Variants in GALNT13 observed in about 807,000 individuals in gnomAD.
The protein encoded by GALNT13 is polypeptide N-acetylgalactosaminyltransferase 13.
In GALNT13, 28 loss-of-function variants were observed where a neutral mutation model predicts 64.2. The observed-to-expected ratio is 0.44, with a 90% CI of 0.32 to 0.60. The LOEUF is 0.60. Ranked by LOEUF, GALNT13 falls within the 20% of genes least tolerant of loss-of-function variation. GALNT13 has a pLI of 0.05. For synonymous variants in GALNT13, 214 were observed against 224.6 expected, an observed-to-expected ratio of 0.95 and a Z score of 0.42; for missense variants, 577 against 669.8, an observed-to-expected ratio of 0.86 and a Z score of 1.53.
intron 11 of GALNT13, among the ~76,000 whole-genome samples, chr2:154,420,390 A>T (rs1700198983): frequency 6.6e-6 from 1 of 152,098 alleles, no homozygotes; most frequent in Admixed American, 6.6e-5. Context: ...TTCCAGCAGA[A>T]CTTATTACTC....
chr2:153,172,563 A>T, the GALNT13 span, among the ~76,000 whole-genome samples: 1 of 152,120 alleles, frequency 6.6e-6, no homozygotes, highest in Non-Finnish European at 1.5e-5. Flanking sequence ...GGAGGAGAAC[A>T]GGTCATGAGC....
the GALNT13 span, among the ~76,000 whole-genome samples, chr2:153,566,897 C>T: frequency 2.0e-5 from 3 of 152,150 alleles, no homozygotes; most frequent in Admixed American, 2.0e-4. Flanking sequence ...ATGGAGTCAA[C>T]CCTTTTGTTA....
At chr2:154,066,122 T>A (rs1367832718) in intron 3 of GALNT13, among the ~76,000 whole-genome samples, 1 of 152,114 alleles carries the variant, frequency 6.6e-6, no homozygotes, top group African/African-American at 2.4e-5. Flanking sequence ...ATAGAATTGA[T>A]CAAACAGCAG....
chr2:154,120,038 A>C (rs1681842692), intron 3 of GALNT13, among the ~76,000 whole-genome samples: 1 of 152,042 alleles, frequency 6.6e-6, no homozygotes, highest in African/African-American at 2.4e-5. Flanking sequence ...ACATTTGTGG[A>C]GACTTCCCTC....
chr2:153,505,802 C>T, the GALNT13 span, among the ~76,000 whole-genome samples: 2 of 151,932 alleles, frequency 1.3e-5, no homozygotes, highest in Non-Finnish European at 2.9e-5. Context: ...GAGAATGTTC[C>T]GTGTGTTAAT....
the GALNT13 span, among the ~76,000 whole-genome samples, chr2:153,547,442 G>A: frequency 2.0e-5 from 3 of 152,142 alleles, no homozygotes; most frequent in African/African-American, 7.2e-5. Flanking sequence ...CATACTACAG[G>A]TAAAATCCAA....
the GALNT13 span, among the ~76,000 whole-genome samples, chr2:153,221,547 A>G: frequency 6.6e-6 from 1 of 151,700 alleles, no homozygotes; most frequent in Admixed American, 6.6e-5. Context: ...CCAGCTGGAA[A>G]CCTCTGTGGC....
the GALNT13 span, among the ~76,000 whole-genome samples, chr2:153,147,168 GT>G: frequency 1.4e-5 from 2 of 146,500 alleles, no homozygotes; most frequent in Non-Finnish European, 3.0e-5. Context: ...AAAAAAAAGA[GT>G]TGATACATTA....
chr2:153,486,811 T>C, the GALNT13 span, among the ~76,000 whole-genome samples: 1 of 152,216 alleles, frequency 6.6e-6, no homozygotes. Flanking sequence ...ACTCTGACTT[T>C]CCATGTACTC....
At chr2:154,089,147 C>T (rs1244659222) in intron 3 of GALNT13, among the ~76,000 whole-genome samples, 1 of 152,062 alleles carries the variant, frequency 6.6e-6, no homozygotes. Context: ...ACACTTTATT[C>T]CAAACAAGTG....
chr2:153,557,715 T>G, the GALNT13 span, among the ~76,000 whole-genome samples: 1 of 152,216 alleles, frequency 6.6e-6, no homozygotes, highest in East Asian at 1.9e-4. Context: ...ATGGTTTCAA[T>G]TGCTCTTATA....
At chr2:153,447,579 AG>A in the GALNT13 span, among the ~76,000 whole-genome samples, 1 of 152,214 alleles carries the variant, frequency 6.6e-6, no homozygotes, top group Non-Finnish European at 1.5e-5. Flanking sequence ...TTACTCTGGT[AG>A]TAGCCTATGC....
chr2:153,600,721 G>A, the GALNT13 span, among the ~76,000 whole-genome samples: 17 of 152,126 alleles, frequency 1.1e-4, no homozygotes, highest in South Asian at 4.1e-4. Context: ...AATAGATGCA[G>A]CTATGTAAAG....
the GALNT13 span, among the ~76,000 whole-genome samples, chr2:153,719,244 T>C: frequency 0.16 from 24,728 of 152,116 alleles, 3,610 homozygotes; most frequent in African/African-American, 0.38. Context: ...TGGGAGTTAC[T>C]AGCTGTTTGA....
intron 3 of GALNT13, among the ~76,000 whole-genome samples, chr2:154,036,680 C>T (rs1290265298): frequency 2.6e-5 from 4 of 151,916 alleles, no homozygotes; most frequent in Admixed American, 2.0e-4. Context: ...CTTTACTTTA[C>T]ACCATCATGC....
intron 1 of GALNT13, among the ~76,000 whole-genome samples, chr2:153,887,683 A>T (rs990848155): frequency 9.2e-5 from 14 of 151,914 alleles, no homozygotes; most frequent in Non-Finnish European, 2.1e-4. Flanking sequence ...TCTATTTGGG[A>T]ATTTCCAACA....
rs148780177 is a variant in GALNT13, at chr2:153,891,912, C to A, written c.-176-9024C>A. ...ATTCGCTGAATTGATTCTCTGTTAC[C>A]TGGACTTATCATAGAAGTCCATGAT... On this transcript the variant is annotated intron_variant, in intron 1 of 12. Transcript: ENST00000392825. Among the ~76,000 whole-genome samples, 177 of 152,064 alleles carry A rather than the reference C, an allele frequency of 1.2e-3. 1 individual carries two copies. The highest frequency in any genetic ancestry group is 4.1e-3 in the African/African-American group (169 of 41,526).
intron 11 of GALNT13, chr2:154,437,415 A>T (rs1389859149): frequency 1.1e-5 from 6 of 550,540 alleles, no homozygotes; most frequent in Non-Finnish European, 1.6e-5. Context: ...ATTTCATCAG[A>T]TATCTTTGAG....
the GALNT13 span, among the ~76,000 whole-genome samples, chr2:153,361,807 A>G: frequency 1.3e-5 from 2 of 152,206 alleles, no homozygotes. Flanking sequence ...ACTTCAGGAT[A>G]CTATCCAGGA....
Sources: gnomAD v4.1 joint callset for allele counts (sites outside exome capture counted in the v4.1 genomes callset) on GRCh38, gnomAD v4.1.1 for gene constraint, MANE v1.5 for transcripts, NCBI Gene and HGNC (gene_info 2026-07-23, HGNC 2026-07-21) for gene names.